The following NLGN4X variants were observed in gnomAD, a reference collection of about 807,000 sequenced individuals.
NLGN4X encodes the protein neuroligin-4, X-linked.
A neutral mutation model predicts 40.3 loss-of-function variants in NLGN4X; 3 were observed. That is an observed-to-expected ratio of 0.07 (90% CI 0.03 to 0.19). NLGN4X has a LOEUF of 0.19. Ranked by LOEUF, NLGN4X falls within the 10% of genes least tolerant of loss-of-function variation. NLGN4X has a pLI of 1.00. For synonymous variants in NLGN4X, 270 were observed against 306.8 expected, an observed-to-expected ratio of 0.88 and a Z score of 1.25; for missense variants, 382 against 708.3, an observed-to-expected ratio of 0.54 and a Z score of 5.23.
intron 2 of NLGN4X, among the ~76,000 whole-genome samples, chrX:6,123,230 A>C (rs948295939): frequency 2.7e-5 from 3 of 112,005 alleles, no homozygotes; most frequent in African/African-American, 9.7e-5. Context: ...TAATTTTTCC[A>C]AGGAGAAAAA....
chrX:6,020,607 G>C (rs1198469451), intron 3 of NLGN4X, among the ~76,000 whole-genome samples: 1 of 111,987 alleles, frequency 8.9e-6, no homozygotes, highest in East Asian at 2.8e-4. Context: ...TTAAGTGTTT[G>C]CACCAGAAAA....
chrX:6,099,592 C>G (rs973893973), intron 2 of NLGN4X, among the ~76,000 whole-genome samples: 8 of 111,854 alleles, frequency 7.2e-5, no homozygotes, highest in African/African-American at 2.6e-4. Flanking sequence ...ATTCTTACAC[C>G]ATAAAGAACT....
intron 2 of NLGN4X, among the ~76,000 whole-genome samples, chrX:6,079,870 T>A (rs11797465): frequency 0.47 from 51,871 of 109,854 alleles, 9,029 homozygotes; most frequent in Admixed American, 0.51. Flanking sequence ...CTGAGGTCTC[T>A]GTTCTAAATT....
At chrX:6,044,872 A>G in intron 2 of NLGN4X, among the ~76,000 whole-genome samples, 1 of 112,525 alleles carries the variant, frequency 8.9e-6, no homozygotes, top group Non-Finnish European at 1.9e-5. Context: ...AGACAACCAC[A>G]GTCCTCTCAG....
chrX:5,950,390 T>C (rs771969246), intron 3 of NLGN4X, among the ~76,000 whole-genome samples: 1 of 112,349 alleles, frequency 8.9e-6, no homozygotes, highest in South Asian at 3.7e-4. Flanking sequence ...ATTTTTAAAA[T>C]TGGTATCAAT....
rs949578968 is a variant in NLGN4X at position 6,173,823 on chromosome X, C to T, written c.-305-22052G>A. Among the ~76,000 whole-genome samples, 3 of 111,608 alleles carry T rather than the reference C, an allele frequency of 2.7e-5. No homozygotes were observed. The Admixed American group carries it at 2.9e-4, about 11-fold the overall frequency. On this transcript the variant is annotated intron_variant, in intron 1 of 5. Transcript: ENST00000381095. Reference sequence around the variant, plus strand: ...CTGTAATCCTAGCACTTCAGGAGGCCGAGGCAGCAGATCACTTGAGGTCAG... The same window carrying T: ...CTGTAATCCTAGCACTTCAGGAGGCTGAGGCAGCAGATCACTTGAGGTCAG...
At chrX:6,145,262 T>C (rs1159853395) in intron 2 of NLGN4X, among the ~76,000 whole-genome samples, 2 of 111,440 alleles carry the variant, frequency 1.8e-5, no homozygotes, top group African/African-American at 3.3e-5. Flanking sequence ...CCCTCACTGG[T>C]GGTACTGAGA....
chrX:6,173,466 A>T (rs2147781009), intron 1 of NLGN4X, among the ~76,000 whole-genome samples: 1 of 111,801 alleles, frequency 8.9e-6, no homozygotes, highest in Non-Finnish European at 1.9e-5. Context: ...CCAAAAAAAG[A>T]TGACCTCAAC....
chrX:6,225,685 T>C (rs1926179986), intron 1 of NLGN4X, among the ~76,000 whole-genome samples: 2 of 73,760 alleles, frequency 2.7e-5, no homozygotes, highest in Non-Finnish European at 5.2e-5. Flanking sequence ...TTCTTTCTTT[T>C]TTTCTTTTTT....
At position 5,903,683 on chromosome X, in the gene NLGN4X, G is replaced by C; in HGVS notation, c.995C>G (p.Thr332Ser). 1 of 1,211,978 alleles carries C rather than the reference G, an allele frequency of 8.3e-7. No homozygotes were observed. The highest frequency in any genetic ancestry group is 1.1e-6 in the Non-Finnish European group (1 of 895,621). The change falls in exon 5 of 6, where the codon ACC becomes AGC. Residue 332 changes from threonine (T) to serine (S), a missense_variant. By Grantham distance (58) the Thr-to-Ser change is moderately conservative. Transcript: ENST00000381095. ...NYKELIQQTI[T>S]PATYHIAFGP... ...GAAGGCTATGTGGTAGGTGGCCGGG[G>C]TGATGGTCTGCTGGATGAGCTCCTT...
At chrX:5,923,951 G>T (rs2033172970) in intron 3 of NLGN4X, among the ~76,000 whole-genome samples, 2 of 111,795 alleles carry the variant, frequency 1.8e-5, no homozygotes, top group African/African-American at 6.5e-5. Flanking sequence ...GTCTCCAAGA[G>T]TAAACATTCA....
At chrX:6,213,868 G>A (rs1225704722) in intron 1 of NLGN4X, among the ~76,000 whole-genome samples, 3 of 111,704 alleles carry the variant, frequency 2.7e-5, no homozygotes. Context: ...GTTAAAGTTT[G>A]GAAATGTCTC....
At chrX:6,180,110 A>G (rs1405359363) in intron 1 of NLGN4X, among the ~76,000 whole-genome samples, 2 of 112,261 alleles carry the variant, frequency 1.8e-5, no homozygotes, top group Non-Finnish European at 3.8e-5. Flanking sequence ...GAAAGGCTTT[A>G]AAACAAGTAA....
intron 3 of NLGN4X, among the ~76,000 whole-genome samples, chrX:5,938,712 G>A (rs930207621): frequency 8.1e-5 from 9 of 111,163 alleles, no homozygotes; most frequent in African/African-American, 2.6e-4. Context: ...TTTAGAGTTA[G>A]AACACTACAT....
At position 6,224,977 on chromosome X, in the gene NLGN4X, C is replaced by CATAT. The variant is rs34139921; in HGVS notation, c.-306+3560_-306+3563dup. Among the ~76,000 whole-genome samples, 236 of 52,241 alleles carry CATAT rather than the reference C, an allele frequency of 4.5e-3. 2 individuals carry two copies. The highest frequency in any genetic ancestry group is 0.015 in the African/African-American group (149 of 10,186). 45.4% of individuals were successfully genotyped at this position (52,241 alleles called of 115,157 possible). Reference sequence around the variant, plus strand: ...CAAAGAAAATACTCTTTAAAATGGCCATATATATATATATATATATATATA... The same window carrying CATAT: ...CAAAGAAAATACTCTTTAAAATGGCCATATATATATATATATATATATATATATA... On this transcript the variant is annotated intron_variant, in intron 1 of 5. Coordinates refer to ENST00000381095, the MANE Select transcript of NLGN4X (RefSeq NM_181332.3).
intron 2 of NLGN4X, among the ~76,000 whole-genome samples, chrX:6,131,174 T>G (rs773777987): frequency 1.2e-4 from 13 of 110,841 alleles, no homozygotes; most frequent in African/African-American, 3.6e-4. Flanking sequence ...GAAACAAACA[T>G]AAACTATATT....
intron 3 of NLGN4X, among the ~76,000 whole-genome samples, chrX:5,914,677 T>C (rs2032693920): frequency 9.1e-6 from 1 of 110,378 alleles, no homozygotes; most frequent in South Asian, 3.8e-4. Context: ...TATAAATGTA[T>C]ATGTACACAG....
intron 2 of NLGN4X, among the ~76,000 whole-genome samples, chrX:6,119,300 A>C (rs1210505044): frequency 8.9e-6 from 1 of 112,147 alleles, no homozygotes; most frequent in Non-Finnish European, 1.9e-5. Context: ...TATCCTATCT[A>C]GTCTTTAGTT....
At chrX:6,040,390 TATTG>T (rs939412780) in intron 2 of NLGN4X, among the ~76,000 whole-genome samples, 3 of 111,853 alleles carry the variant, frequency 2.7e-5, no homozygotes, top group African/African-American at 9.7e-5. Flanking sequence ...TTAACCATTT[TATTG>T]ATTTTTAATT....
Sources: allele counts gnomAD v4.1 joint callset (sites outside exome capture counted in the v4.1 genomes callset), GRCh38; gene constraint gnomAD v4.1.1; transcripts MANE v1.5; gene names NCBI Gene and HGNC (gene_info 2026-07-23, HGNC 2026-07-21).